Variants in NUP54 observed in about 807,000 individuals in gnomAD.
NUP54 encodes the protein nucleoporin p54.
In NUP54, 27 loss-of-function variants were observed where a neutral mutation model predicts 66.4. That is an observed-to-expected ratio of 0.41 (90% CI 0.30 to 0.56). The LOEUF (loss-of-function observed/expected upper bound fraction) is 0.56, where lower values mean the gene tolerates loss of function less well. Among genes scored for constraint, NUP54 ranks in the 20% least tolerant of loss-of-function variants. NUP54 has a pLI of 0.34. For missense variants in NUP54, 486 were observed against 596.3 expected, an observed-to-expected ratio of 0.82 and a Z score of 1.93; for synonymous variants, 206 against 210.7, an observed-to-expected ratio of 0.98 and a Z score of 0.19.
At chr4:76,117,449 C>T (rs1020521566) in intron 11 of NUP54, among the ~76,000 whole-genome samples, 1 of 152,078 alleles carries the variant, frequency 6.6e-6, no homozygotes, top group Non-Finnish European at 1.5e-5. Flanking sequence ...AGTAGACCTG[C>T]TAGATCATAT....
intron 8 of NUP54, among the ~76,000 whole-genome samples, chr4:76,128,392 T>A (rs1177279115): frequency 1.9e-5 from 2 of 104,270 alleles, no homozygotes; most frequent in South Asian, 3.1e-4. Flanking sequence ...TAAAAGGAAA[T>A]GCTGAAAAAA....
intron 9 of NUP54, among the ~76,000 whole-genome samples, chr4:76,118,809 C>T (rs1005933196): frequency 6.6e-6 from 1 of 151,846 alleles, no homozygotes; most frequent in African/African-American, 2.4e-5. Flanking sequence ...TTGAGACCAT[C>T]CTGGCTAACA....
intron 6 of NUP54, 35 bp from the exon 7 acceptor site, chr4:76,131,319 T>C (rs2109883037): frequency 1.5e-6 from 2 of 1,351,548 alleles, no homozygotes; most frequent in Middle Eastern, 2.1e-4. Context: ...TCTAAAACAA[T>C]TTTCTATTTT....
In NUP54 at chr4:76,120,515, C is replaced by T. The variant is rs143251249; in HGVS notation, c.1165-2321G>A. Among the ~76,000 whole-genome samples, 186 of 151,324 alleles carry T rather than the reference C, an allele frequency of 1.2e-3. 3 individuals are homozygous for T. In the East Asian group the frequency reaches 0.028, roughly 23 times the overall value. ...CGTGATCTTGGCTCACGGCAACCTC[C>T]ACCTCCCAGGTTCAAGCAATTCTCT... On this transcript the variant is annotated intron_variant, in intron 9 of 11. Coordinates refer to ENST00000264883, the MANE Select transcript of NUP54 (RefSeq NM_017426.4).
At chr4:76,122,117 G>A (rs1247042293) in intron 9 of NUP54, among the ~76,000 whole-genome samples, 1 of 152,084 alleles carries the variant, frequency 6.6e-6, no homozygotes, top group Non-Finnish European at 1.5e-5. Flanking sequence ...CCTTTAATGT[G>A]TTGCTATAAT....
chr4:76,145,545 A>G, intron 1 of NUP54: 2 of 1,265,796 alleles, frequency 1.6e-6, no homozygotes, highest in Non-Finnish European at 2.1e-6. Flanking sequence ...AAGCATACCA[A>G]TATACTTACC....
At chr4:76,147,416 A>T in intron 1 of NUP54, 1 of 1,124,572 alleles carries the variant, frequency 8.9e-7, no homozygotes, top group Non-Finnish European at 1.2e-6. Context: ...AAACTCCAGG[A>T]ACCACAATAT....
intron 1 of NUP54, chr4:76,146,268 AT>A (rs1399752612): frequency 1.4e-5 from 3 of 214,406 alleles, no homozygotes; most frequent in Admixed American, 5.8e-5. Context: ...TGAACATGAA[AT>A]CAAGCAAATA....
Position 76,121,512 on chromosome 4 carries a change from G to T in NUP54, c.1164+3137C>A, listed in dbSNP as rs9307080. On this transcript the variant is annotated intron_variant, in intron 9 of 11. Transcript: ENST00000264883. Reference sequence around the variant, plus strand: ...TGTTGCCCAGGCAACAGAGTGCAGTGGCTATTCATAGGCACAATCATAGCT... The same window carrying T: ...TGTTGCCCAGGCAACAGAGTGCAGTTGCTATTCATAGGCACAATCATAGCT... Among the ~76,000 whole-genome samples, 269 of 152,222 alleles carry T rather than the reference G, an allele frequency of 1.8e-3. 1 individual carries two copies. Among genetic ancestry groups the T allele is most frequent in the African/African-American group, 6.2e-3 (256 of 41,554 alleles).
chr4:76,125,984 T>G (rs1020603479), intron 8 of NUP54, among the ~76,000 whole-genome samples: 2 of 152,096 alleles, frequency 1.3e-5, no homozygotes, highest in African/African-American at 4.8e-5. Context: ...CAACCAGGTC[T>G]GAGTGGAAAA....
At chr4:76,121,567 T>C (rs1730238622) in intron 9 of NUP54, among the ~76,000 whole-genome samples, 2 of 152,174 alleles carry the variant, frequency 1.3e-5, no homozygotes, top group South Asian at 2.1e-4. Context: ...TGGGCTCAGG[T>C]GCTTCTCCTG....
rs555606795 is a variant in NUP54, at chr4:76,139,043, GA to G, written c.296-2632del. On this transcript the variant is annotated intron_variant, in intron 3 of 11. Coordinates refer to ENST00000264883, the MANE Select transcript of NUP54 (RefSeq NM_017426.4). ...TTTTACAAAAATTGTCCATTAAAAA[GA>G]AAAAAAATTATCTTGCCTTTACTAT... Among the ~76,000 whole-genome samples the G allele has an allele frequency of 2.2e-3, 332 of 151,844 alleles. 7 individuals are homozygous for G. Among genetic ancestry groups the G allele is most frequent in the Middle Eastern group, 6.8e-3 (2 of 294 alleles).
chr4:76,142,417 C>T (rs1417958074), intron 3 of NUP54, among the ~76,000 whole-genome samples: 1 of 152,042 alleles, frequency 6.6e-6, no homozygotes, highest in Non-Finnish European at 1.5e-5. Flanking sequence ...TTTAGCTAGT[C>T]AATCAAGTTA....
At chr4:76,118,034 C>T in intron 10 of NUP54, 41 bp downstream of exon 10, 1 of 1,601,646 alleles carries the variant, frequency 6.2e-7, no homozygotes, top group Non-Finnish European at 8.5e-7. Flanking sequence ...TGCAGATCCA[C>T]CTGAAACAAA....
intron 9 of NUP54, among the ~76,000 whole-genome samples, chr4:76,120,591 G>A (rs1466142169): frequency 2.0e-5 from 3 of 152,020 alleles, no homozygotes; most frequent in Non-Finnish European, 2.9e-5. Context: ...ACCATGCCCA[G>A]CTAATTTTTG....
chr4:76,146,163 A>G, intron 1 of NUP54: 2 of 441,840 alleles, frequency 4.5e-6, no homozygotes, highest in Non-Finnish European at 9.0e-6. Context: ...TAAACAAGAA[A>G]GTCTATCAGC....
intron 8 of NUP54, among the ~76,000 whole-genome samples, chr4:76,125,405 A>G (rs1730438036): frequency 6.6e-6 from 1 of 151,528 alleles, no homozygotes; most frequent in Non-Finnish European, 1.5e-5. Context: ...AGGCCAAGGC[A>G]AGAGGAGTGC....
intron 8 of NUP54, among the ~76,000 whole-genome samples, chr4:76,125,647 GGGGAGAGGGAGAGAGGGGGAGAGA>G (rs1730462213): frequency 1.0e-4 from 3 of 29,648 alleles, no homozygotes; most frequent in South Asian, 2.0e-3. Context: ...AGGGGGAGAG[GGGGAGAGGGAGAGAGGGGGAGAGA>G]GGGAGAGAGG....
intron 1 of NUP54, among the ~76,000 whole-genome samples, chr4:76,146,663 T>C (rs1731513208): frequency 6.6e-6 from 1 of 152,206 alleles, no homozygotes; most frequent in Non-Finnish European, 1.5e-5. Flanking sequence ...TAAATTCATA[T>C]ACGAGCAGCT....
Sources: gnomAD v4.1 joint callset for allele counts (sites outside exome capture counted in the v4.1 genomes callset) on GRCh38, gnomAD v4.1.1 for gene constraint, MANE v1.5 for transcripts, NCBI Gene and HGNC (gene_info 2026-07-23, HGNC 2026-07-21) for gene names.